Variants in SPTLC1 observed in about 807,000 individuals in gnomAD.
SPTLC1 encodes the protein serine palmitoyltransferase 1.
In SPTLC1, 55 loss-of-function variants were observed where a neutral mutation model predicts 68.9. The ratio of observed to expected loss-of-function variants is 0.80; its 90% CI spans 0.64 to 1.00. The LOEUF (loss-of-function observed/expected upper bound fraction) is 1.00, where lower values mean the gene tolerates loss of function less well. SPTLC1 is among the 50% of genes least tolerant of loss of function. The probability of loss-of-function intolerance (pLI) is 0.00; values close to 1 mark genes in which losing one functional copy is unlikely to be tolerated. For synonymous variants in SPTLC1, 197 were observed against 201.6 expected (o/e 0.98, Z 0.19); for missense variants, 449 against 573.1 (o/e 0.78, Z 2.21).
chr9:92,060,956 C>T (rs1158173520), intron 6 of SPTLC1, among the ~76,000 whole-genome samples: 2 of 150,028 alleles, frequency 1.3e-5, no homozygotes, highest in Non-Finnish European at 3.0e-5. Flanking sequence ...TCACTGAGCA[C>T]AACAGGAAGA....
chr9:92,111,146 T>C (rs555638544), intron 2 of SPTLC1: 2 of 152,320 alleles, frequency 1.3e-5, no homozygotes, highest in East Asian at 3.9e-4. Context: ...ACTCCGTATT[T>C]CCAAATTAAT....
intron 3 of SPTLC1, among the ~76,000 whole-genome samples, chr9:92,107,624 C>T (rs1167413166): frequency 6.6e-6 from 1 of 152,138 alleles, no homozygotes; most frequent in African/African-American, 2.4e-5. Flanking sequence ...TGGCAGCATG[C>T]GCCTGTAGTC....
chr9:92,105,022 G>A (rs1835903724), intron 3 of SPTLC1: 28 of 1,526,032 alleles, frequency 1.8e-5, no homozygotes, highest in Middle Eastern at 2.3e-4. Flanking sequence ...TGTGGCCAGA[G>A]AAGGCGGCCT....
Position 92,077,222 on chromosome 9 carries a change from A to G in SPTLC1, c.427+2794T>C, listed in dbSNP as rs1483912760. Among the ~76,000 whole-genome samples the G allele has an allele frequency of 2.6e-5, 4 of 152,018 alleles. No individual in the cohort carries two copies. The East Asian group carries it at 5.8e-4, about 22-fold the overall frequency. On this transcript the variant is annotated intron_variant, in intron 5 of 14. Coordinates refer to ENST00000262554, the MANE Select transcript of SPTLC1 (RefSeq NM_006415.4). ...GGCCGCACCTTTCTGCTGGGTCCCA[A>G]CCTTATTTCAGACACCACCCCTCTT...
At chr9:92,099,055 T>C (rs1437188746) in intron 3 of SPTLC1, among the ~76,000 whole-genome samples, 2 of 152,192 alleles carry the variant, frequency 1.3e-5, no homozygotes, top group Admixed American at 6.5e-5. Flanking sequence ...AAAGAAAATA[T>C]AGCCTCATAA....
chr9:92,104,082 T>C (rs967831813), intron 3 of SPTLC1, among the ~76,000 whole-genome samples: 32 of 152,268 alleles, frequency 2.1e-4, no homozygotes, highest in African/African-American at 5.5e-4. Flanking sequence ...ACCAGCCCCA[T>C]AGTGATGTCA....
At chr9:92,054,509 G>C (rs1833815431) in intron 8 of SPTLC1, among the ~76,000 whole-genome samples, 1 of 152,180 alleles carries the variant, frequency 6.6e-6, no homozygotes, top group Admixed American at 6.5e-5. Flanking sequence ...GACTGTGGTG[G>C]TGGATGGCTG....
chr9:92,035,037 G>A (rs1833097634), intron 13 of SPTLC1, among the ~76,000 whole-genome samples, 154 bp from the exon 14 acceptor site: 2 of 152,104 alleles, frequency 1.3e-5, no homozygotes, highest in African/African-American at 4.8e-5. Flanking sequence ...CCACCACCTT[G>A]GCAGCACTGT....
intron 3 of SPTLC1, chr9:92,108,509 G>T: frequency 2.0e-6 from 1 of 497,214 alleles, no homozygotes; most frequent in Non-Finnish European, 3.7e-6. Context: ...TAACATGTGT[G>T]CATTCTTGGA....
At chr9:92,102,718 C>T (rs1037871697) in intron 3 of SPTLC1, among the ~76,000 whole-genome samples, 1 of 152,108 alleles carries the variant, frequency 6.6e-6, no homozygotes, top group Non-Finnish European at 1.5e-5. Flanking sequence ...ACTCACCAAA[C>T]CATAAAGCAA....
Position 92,038,249 on chromosome 9 carries a change from T to C in SPTLC1, c.1253A>G (p.Gln418Arg). 6.2e-7 allele frequency: 1 copy of C among 1,606,320 alleles called. No individual in the cohort carries two copies. Among genetic ancestry groups the C allele is most frequent in the Non-Finnish European group, 8.5e-7 (1 of 1,172,856 alleles). Reference protein sequence around the residue: ...DVRLLQEIVDQCMNRSIALTQ... With the variant: ...DVRLLQEIVDRCMNRSIALTQ... Reference sequence around the variant, plus strand: ...TGCCTCAAGTCAACGGATACTTACTTGATCTACAATTTCCTGAAGCAGTCT... The same window carrying C: ...TGCCTCAAGTCAACGGATACTTACTCGATCTACAATTTCCTGAAGCAGTCT... Residue 418 changes from glutamine to arginine, a missense_variant and splice_region_variant, in exon 13 of 15, where the codon CAA becomes CGA. By Grantham distance (43) the Gln-to-Arg change is conservative. This residue lies in a region of SPTLC1 where 391 missense variants were observed against 472.1 expected (regional missense o/e 0.83). Transcript: ENST00000262554.
chr9:92,046,044 G>A lies in SPTLC1; in HGVS notation c.1091C>T (p.Ala364Val), dbSNP rs1212582699. Residue 364 changes from alanine to valine, a missense_variant, in exon 12 of 15, where the codon GCA (alanine) becomes GTA (valine). By Grantham distance (64) the Ala-to-Val change is moderately conservative (BLOSUM62 0). Around this residue, in one of 3 missense-constraint regions of SPTLC1, gnomAD observed 391 missense variants for 472.1 expected, o/e 0.83. Transcript: ENST00000262554. ...NIMEENPGIF[A>V]VLKEKCGQIH... ...TTGTCCGCACTTTTCCTTCAACACT[G>A]CAAAAATACCTAGATGAAAAAAATA... is the stretch of plus-strand genomic sequence containing the variant. 6.2e-7 allele frequency: 1 copy of A among 1,612,598 alleles called. No homozygotes were observed. Among genetic ancestry groups the A allele is most frequent in the Non-Finnish European group, 8.5e-7 (1 of 1,179,166 alleles).
chr9:92,060,052 A>T (rs947405426), intron 6 of SPTLC1, among the ~76,000 whole-genome samples: 2 of 152,148 alleles, frequency 1.3e-5, no homozygotes, highest in Non-Finnish European at 2.9e-5. Flanking sequence ...GTGTCACAGG[A>T]GGGCGAGTGG....
At chr9:92,070,929 G>A (rs57677555) in intron 5 of SPTLC1, among the ~76,000 whole-genome samples, 36 of 152,238 alleles carry the variant, frequency 2.4e-4, no homozygotes, top group African/African-American at 7.5e-4. Context: ...CTTCCAATAA[G>A]AGCCACTTGT....
intron 6 of SPTLC1, among the ~76,000 whole-genome samples, chr9:92,067,025 C>T (rs1237653586): frequency 6.6e-6 from 1 of 151,626 alleles, no homozygotes; most frequent in Non-Finnish European, 1.5e-5. Flanking sequence ...AGGCCAGGTG[C>T]GGTGGCTCAC....
intron 5 of SPTLC1, among the ~76,000 whole-genome samples, chr9:92,076,399 G>T (rs552245837): frequency 1.3e-5 from 2 of 152,224 alleles, no homozygotes; most frequent in South Asian, 4.2e-4. Context: ...TCTGCTCCCA[G>T]TGGCCAATAT....
chr9:92,038,452 G>T, intron 12 of SPTLC1, 87 bp from the exon 13 acceptor site: 1 of 881,580 alleles, frequency 1.1e-6, no homozygotes, highest in Non-Finnish European at 2.0e-6. Context: ...AGTCCACAAT[G>T]TCAAGGCACA....
chr9:92,050,274 A>G (rs1049531841), intron 8 of SPTLC1: 30 of 518,858 alleles, frequency 5.8e-5, no homozygotes, highest in Admixed American at 3.2e-5. Context: ...GCATGTGCAG[A>G]GCAGTGAAGA....
At chr9:92,050,156 C>A in intron 8 of SPTLC1, 89 bp from the exon 9 acceptor site, 1 of 837,186 alleles carries the variant, frequency 1.2e-6, no homozygotes, top group Admixed American at 1.9e-5. Context: ...AAAGTATGTA[C>A]AGCTGACTCT....
Sources: gnomAD v4.1 joint callset for allele counts (sites outside exome capture counted in the v4.1 genomes callset) on GRCh38, gnomAD v4.1.1 for gene constraint, gnomAD v4.1.1 regional missense constraint, MANE v1.5 for transcripts, NCBI Gene and HGNC (gene_info 2026-07-23, HGNC 2026-07-21) for gene names.